The following RFC3 variants were observed in gnomAD, a reference collection of about 807,000 sequenced individuals.
RFC3 encodes the protein replication factor C subunit 3, also known as A1 38 kDa subunit.
Under a neutral mutation model 45.1 loss-of-function variants are expected in RFC3, and 41 were observed. The ratio of observed to expected loss-of-function variants is 0.91; its 90% CI spans 0.71 to 1.18. The LOEUF is 1.18. Ranked by LOEUF, RFC3 falls within the 50% of genes most tolerant of loss-of-function variation. The pLI is 0.00. For missense variants in RFC3, 423 were observed against 428.1 expected (o/e 0.99, Z 0.10); for synonymous variants, 149 against 144.0 (o/e 1.03, Z -0.25).
At chr13:33,972,669 C>A in the RFC3 span, among the ~76,000 whole-genome samples, 2 of 152,230 alleles carry the variant, frequency 1.3e-5, no homozygotes, top group Admixed American at 1.3e-4. Flanking sequence ...AAATTGGTAG[C>A]CTGGAAATGT....
chr13:33,929,387 A>G (rs1302530173), intron 8 of RFC3, among the ~76,000 whole-genome samples: 1 of 152,138 alleles, frequency 6.6e-6, no homozygotes, highest in Non-Finnish European at 1.5e-5. Flanking sequence ...ATTGCAAGTC[A>G]ATGGAAAAAC....
At chr13:33,935,373 G>A (rs2082879666) in intron 8 of RFC3, among the ~76,000 whole-genome samples, 1 of 152,158 alleles carries the variant, frequency 6.6e-6, no homozygotes, top group South Asian at 2.1e-4. Flanking sequence ...ATGCAAAAAA[G>A]TTGTACTTGC....
intron 8 of RFC3, among the ~76,000 whole-genome samples, chr13:33,894,435 A>T (rs898721753): frequency 6.0e-4 from 91 of 152,294 alleles, no homozygotes; most frequent in Non-Finnish European, 2.6e-4. Context: ...AACTCAAGTG[A>T]CAGTCATAGG....
chr13:33,818,949 G>A (rs1034588555), intron 1 of RFC3, among the ~76,000 whole-genome samples: 10 of 135,320 alleles, frequency 7.4e-5, no homozygotes, highest in African/African-American at 2.2e-4. Flanking sequence ...GGAATGCAAT[G>A]GCGCGGTCTC....
chr13:33,974,144 T>C, the RFC3 span, among the ~76,000 whole-genome samples: 8,819 of 152,246 alleles, frequency 0.058, 825 homozygotes, highest in African/African-American at 0.2. Flanking sequence ...GAATTTGCAC[T>C]CGTGGCTGCA....
At chr13:33,883,231 G>C (rs1157324514) in intron 8 of RFC3, among the ~76,000 whole-genome samples, 1 of 152,224 alleles carries the variant, frequency 6.6e-6, no homozygotes, top group African/African-American at 2.4e-5. Flanking sequence ...GGAACTCTGT[G>C]AAGTCAGATT....
At chr13:33,869,757 C>A (rs2082395830) in intron 8 of RFC3, among the ~76,000 whole-genome samples, 1 of 152,186 alleles carries the variant, frequency 6.6e-6, no homozygotes, top group Non-Finnish European at 1.5e-5. Context: ...CAGACCTTTT[C>A]ACATTGCGAG....
chr13:33,948,707 T>C (rs2082970001), intron 8 of RFC3, among the ~76,000 whole-genome samples: 1 of 152,234 alleles, frequency 6.6e-6, no homozygotes, highest in Admixed American at 6.5e-5. Context: ...CAGCATGACC[T>C]GGACGTGAGA....
intron 8 of RFC3, among the ~76,000 whole-genome samples, chr13:33,903,570 T>C (rs1328996634): frequency 6.6e-6 from 1 of 152,092 alleles, no homozygotes; most frequent in African/African-American, 2.4e-5. Context: ...ACAAGTGGGC[T>C]CCAGCAACCA....
chr13:33,825,120 T>A (rs904366543), intron 3 of RFC3, among the ~76,000 whole-genome samples: 4 of 152,188 alleles, frequency 2.6e-5, no homozygotes, highest in African/African-American at 9.6e-5. Flanking sequence ...TTGGGGTGAT[T>A]GAAATTAACA....
At chr13:33,897,261 G>A (rs187576706) in intron 8 of RFC3, among the ~76,000 whole-genome samples, 1 of 151,132 alleles carries the variant, frequency 6.6e-6, no homozygotes, top group East Asian at 1.9e-4. Context: ...AAAATGTGGG[G>A]GAATGAAGTT....
chr13:33,865,001 A>G (rs970349848), intron 8 of RFC3, among the ~76,000 whole-genome samples: 6 of 152,218 alleles, frequency 3.9e-5, no homozygotes, highest in Non-Finnish European at 7.3e-5. Flanking sequence ...AACTGTAGAA[A>G]TAGAAGAGAG....
chr13:33,913,585 C>T (rs2082715464), intron 8 of RFC3, among the ~76,000 whole-genome samples: 1 of 152,122 alleles, frequency 6.6e-6, no homozygotes. Flanking sequence ...AAATTACTCA[C>T]TCTCTCTAAG....
intron 8 of RFC3, among the ~76,000 whole-genome samples, chr13:33,922,995 C>T (rs2082779173): frequency 6.6e-6 from 1 of 151,448 alleles, no homozygotes. Flanking sequence ...AGTGTAGACT[C>T]CCAGGGAATT....
At chr13:33,825,964 A>T in intron 4 of RFC3, 78 bp downstream of exon 4, 1 of 803,494 alleles carries the variant, frequency 1.2e-6, no homozygotes, top group Non-Finnish European at 2.0e-6. Flanking sequence ...ATGAAAGTGA[A>T]CAGGAGAGAA....
chr13:33,955,394 T>A (rs375394889), intron 8 of RFC3, among the ~76,000 whole-genome samples: 42 of 152,200 alleles, frequency 2.8e-4, no homozygotes, highest in East Asian at 2.7e-3. Context: ...AAGAGTAGAA[T>A]GAAAACAGCT....
intron 8 of RFC3, among the ~76,000 whole-genome samples, chr13:33,909,657 A>G (rs1046575619): frequency 1.8e-4 from 28 of 152,004 alleles, no homozygotes; most frequent in African/African-American, 6.5e-4. Flanking sequence ...AGGTTGCCCT[A>G]GGTTGTTCTT....
chr13:33,839,365 G>A (rs924743391), downstream of RFC3, among the ~76,000 whole-genome samples: 2 of 152,166 alleles, frequency 1.3e-5, no homozygotes, highest in African/African-American at 4.8e-5. Flanking sequence ...AAAGCAATGA[G>A]TTTTCCTTGC....
At chr13:33,826,931 A>C (rs569199513) in intron 4 of RFC3, among the ~76,000 whole-genome samples, 1 of 152,258 alleles carries the variant, frequency 6.6e-6, no homozygotes, top group South Asian at 2.1e-4. Flanking sequence ...GTTTCCCCAT[A>C]ATTAATTGCT....
Sources: gnomAD v4.1 joint callset for allele counts (sites outside exome capture counted in the v4.1 genomes callset) on GRCh38, gnomAD v4.1.1 for gene constraint, MANE v1.5 for transcripts, NCBI Gene and HGNC (gene_info 2026-07-23, HGNC 2026-07-21) for gene names.